BICDL1: variants seen among roughly 807,000 people sequenced by gnomAD.
BICDL1 encodes BICD family like cargo adaptor 1.
BICDL1 carries 20 observed loss-of-function variants against 76.8 expected under a neutral mutation model. That is an observed-to-expected ratio of 0.26 (90% CI 0.18 to 0.38). The LOEUF (loss-of-function observed/expected upper bound fraction) is 0.38, where lower values mean the gene tolerates loss of function less well. Among genes scored for constraint, BICDL1 ranks in the 10% least tolerant of loss-of-function variants. BICDL1 has a pLI of 1.00. For synonymous variants in BICDL1, 383 were observed against 337.1 expected, an observed-to-expected ratio of 1.14 and a Z score of -1.49; for missense variants, 700 against 798.6, an observed-to-expected ratio of 0.88 and a Z score of 1.49.
At chr12:120,072,428 T>G in intron 5 of BICDL1, 83 bp from the exon 6 acceptor site, 1 of 1,308,126 alleles carries the variant, frequency 7.6e-7, no homozygotes, top group Non-Finnish European at 1.1e-6. Context: ...GGTATCAGTA[T>G]TTTGGGTTCA....
intron 2 of BICDL1, among the ~76,000 whole-genome samples, chr12:120,010,437 C>T (rs1951930175): frequency 6.6e-6 from 1 of 152,084 alleles, no homozygotes; most frequent in African/African-American, 2.4e-5. Flanking sequence ...TTACTTTGTT[C>T]TGTTTATCTG....
In BICDL1 at chr12:120,094,140, C is replaced by T. The variant is rs1330294973; in HGVS notation, c.*979C>T. ...GAAGCCTCCAGATGCTGCCTGCCTG[C>T]CTGCAGAAGCCTGCAGTGGCTGCTG... On this transcript the variant is annotated 3_prime_UTR_variant, in exon 10 of 10. Transcript: ENST00000548673. 2 of 438,498 alleles carry T rather than the reference C, an allele frequency of 4.6e-6. No homozygotes were observed. The highest frequency in any genetic ancestry group is 3.2e-5 in the South Asian group (2 of 63,234). 27.2% of individuals were successfully genotyped at this position (438,498 alleles called of 1,614,324 possible). A position where few individuals can be genotyped will look rare whatever the true frequency, so the allele number is the denominator to read the frequency against.
At chr12:120,064,708 C>T in intron 3 of BICDL1, 25 bp from the exon 4 acceptor site, 1 of 1,589,358 alleles carries the variant, frequency 6.3e-7, no homozygotes, top group Non-Finnish European at 8.6e-7. Context: ...CTCCACACCA[C>T]CCCTGTGGCT....
intron 3 of BICDL1, 112 bp downstream of exon 3, chr12:120,061,938 C>A: frequency 1.4e-6 from 1 of 693,016 alleles, no homozygotes; most frequent in Non-Finnish European, 2.5e-6. Context: ...CATTTCTGTG[C>A]GAAACTAAAT....
chr12:120,067,333 A>C (rs1467326078), intron 4 of BICDL1, among the ~76,000 whole-genome samples: 1 of 152,218 alleles, frequency 6.6e-6, no homozygotes, highest in Non-Finnish European at 1.5e-5. Flanking sequence ...TGGAGCCTAG[A>C]CCTTGCTCTA....
At chr12:120,042,345 G>A (rs1483596023) in intron 2 of BICDL1, among the ~76,000 whole-genome samples, 1 of 152,044 alleles carries the variant, frequency 6.6e-6, no homozygotes, top group Non-Finnish European at 1.5e-5. Context: ...TCCTGTTTGG[G>A]GCCCAAAACT....
intron 2 of BICDL1, among the ~76,000 whole-genome samples, chr12:120,011,948 G>A (rs528122133): frequency 2.0e-5 from 3 of 152,282 alleles, no homozygotes; most frequent in South Asian, 4.1e-4. Context: ...AGTAAAACAC[G>A]GAGATTGAAC....
intron 2 of BICDL1, among the ~76,000 whole-genome samples, chr12:120,028,419 ACT>A (rs763938931): frequency 1.9e-3 from 287 of 151,996 alleles, no homozygotes; most frequent in Non-Finnish European, 3.1e-3. Context: ...TCACGCCTGT[ACT>A]CTCAGCACCT....
intron 2 of BICDL1, among the ~76,000 whole-genome samples, chr12:120,054,332 C>T (rs1291375711): frequency 6.6e-6 from 1 of 152,038 alleles, no homozygotes; most frequent in Non-Finnish European, 1.5e-5. Flanking sequence ...GCCTCAGCCT[C>T]CCAAATTGGT....
At chr12:120,048,732 T>C (rs1030819805) in intron 2 of BICDL1, among the ~76,000 whole-genome samples, 9 of 152,212 alleles carry the variant, frequency 5.9e-5, no homozygotes, top group Non-Finnish European at 8.8e-5. Flanking sequence ...CCTTGAAATC[T>C]AAGATGGTAC....
chr12:120,022,765 A>G (rs1282074753), intron 2 of BICDL1, among the ~76,000 whole-genome samples: 1 of 152,106 alleles, frequency 6.6e-6, no homozygotes, highest in African/African-American at 2.4e-5. Context: ...TTGCCCCCAG[A>G]CTGCCTTGAC....
intron 2 of BICDL1, among the ~76,000 whole-genome samples, chr12:120,053,502 ACT>A (rs1428788907): frequency 6.6e-6 from 1 of 152,184 alleles, no homozygotes; most frequent in Non-Finnish European, 1.5e-5. Context: ...ATAATCCATT[ACT>A]GTCATTATTT....
In BICDL1 at chr12:120,093,131, AC is replaced by A; in HGVS notation, c.1837del (p.Arg613AspfsTer48). ...ATGAGCCCAGCATCGCTGAAGGCAA[AC>A]GACTCTTCTCATTCTTCAGGAAAAT... ...GDEPSIAEGK[R>X]LFSFFRKI On this transcript the variant is annotated frameshift_variant, in exon 10 of 10. Coordinates refer to ENST00000548673, the MANE Select transcript of BICDL1 (RefSeq NM_001367886.1). LOFTEE classifies it high-confidence loss of function. The A allele has an allele frequency of 6.2e-7, 1 of 1,612,612 alleles. No individual in the cohort carries two copies. Among genetic ancestry groups the A allele is most frequent in the Non-Finnish European group, 8.5e-7 (1 of 1,179,214 alleles).
chr12:120,041,277 C>G (rs1427578074), intron 2 of BICDL1, among the ~76,000 whole-genome samples: 2 of 152,020 alleles, frequency 1.3e-5, no homozygotes, highest in Admixed American at 1.3e-4. Context: ...CAGTTTTACT[C>G]TAAAGGGAAG....
chr12:120,060,311 A>G (rs1953076945), intron 2 of BICDL1, among the ~76,000 whole-genome samples: 1 of 152,168 alleles, frequency 6.6e-6, no homozygotes, highest in Admixed American at 6.6e-5. Flanking sequence ...TATTCCCAGG[A>G]ATGTTTATTG....
Position 120,009,973 on chromosome 12 carries a change from T to C in BICDL1, c.645+11237T>C, listed in dbSNP as rs146907215. Among the ~76,000 whole-genome samples, 566 of 152,330 alleles carry C rather than the reference T, an allele frequency of 3.7e-3. 4 individuals are homozygous for C. Among genetic ancestry groups the C allele is most frequent in the African/African-American group, 0.013 (536 of 41,552 alleles). Reference sequence around the variant, plus strand: ...ATCTGGACCAGTGGTTTGTGAAATGTTTGCTCTTCAGGGATTCTGCAAACT... The same window carrying C: ...ATCTGGACCAGTGGTTTGTGAAATGCTTGCTCTTCAGGGATTCTGCAAACT... On this transcript the variant is annotated intron_variant, in intron 2 of 9. Transcript: ENST00000548673.
At chr12:119,999,671 G>T (rs1428402073) in intron 2 of BICDL1, 2 of 318,278 alleles carry the variant, frequency 6.3e-6, no homozygotes, top group African/African-American at 4.4e-5. Flanking sequence ...AGGCTAAATA[G>T]ATGGAAATCT....
At chr12:120,009,000 T>C (rs1196255799) in intron 2 of BICDL1, among the ~76,000 whole-genome samples, 1 of 151,902 alleles carries the variant, frequency 6.6e-6, no homozygotes, top group Admixed American at 6.6e-5. Flanking sequence ...CCTGTTCTTT[T>C]CTTTTTGAGA....
intron 2 of BICDL1, among the ~76,000 whole-genome samples, chr12:120,057,818 C>CTTTTTTTTTTTTTTT (rs143777152): frequency 3.8e-5 from 3 of 78,324 alleles, no homozygotes; most frequent in African/African-American, 1.9e-4. Context: ...GCGATTCCTG[C>CTTTTTTTTTTTTTTT]TTTTTTTTTT....
Sources: allele counts gnomAD v4.1 joint callset (sites outside exome capture counted in the v4.1 genomes callset), GRCh38; gene constraint gnomAD v4.1.1; transcripts MANE v1.5; gene names NCBI Gene and HGNC (gene_info 2026-07-23, HGNC 2026-07-21).